Variants in CTNNA3 observed in about 807,000 individuals in gnomAD.
CTNNA3 encodes catenin alpha 3, also known as catenin alpha-3.
Under a neutral mutation model 95.7 loss-of-function variants are expected in CTNNA3, and 76 were observed. That is an observed-to-expected ratio of 0.79 (90% CI 0.66 to 0.96). The LOEUF (loss-of-function observed/expected upper bound fraction) is 0.96. Ranked by LOEUF, CTNNA3 falls within the 40% of genes least tolerant of loss-of-function variation. CTNNA3 has a pLI of 0.00. For synonymous variants in CTNNA3, 431 were observed against 374.4 expected (o/e 1.15, Z -1.74); for missense variants, 1,191 against 1,089.8 (o/e 1.09, Z -1.31).
rs183070158 is a variant in CTNNA3 at position 66,074,712 on chromosome 10, T to C, written c.1978-5223A>G. On this transcript the variant is annotated intron_variant, in intron 14 of 17. Transcript: ENST00000433211. ...TAGATGTTCATATTGTTCTCTCTTG[T>C]AGTCTAATCTTGTGAACACAACTAT... is the stretch of plus-strand genomic sequence containing the variant. Among the ~76,000 whole-genome samples, 332 of 152,018 alleles carry C rather than the reference T, an allele frequency of 2.2e-3. 1 individual carries two copies. Among genetic ancestry groups the C allele is most frequent in the African/African-American group, 7.0e-3 (292 of 41,530 alleles).
rs74877098 is a variant in CTNNA3, at chr10:67,415,187, A to C, written c.579+106655T>G. 0.025 allele frequency among the ~76,000 whole-genome samples: 3,794 copies of C among 152,270 alleles called. 310 individuals are homozygous for C. In the East Asian group the frequency reaches 0.3, roughly 12 times the overall value. Reference sequence around the variant, plus strand: ...CCAGGCAAGAGAAAGAAATAAAAGGAATTTGAAAAAGAAAAGAAGAAGTCA... The same window carrying C: ...CCAGGCAAGAGAAAGAAATAAAAGGCATTTGAAAAAGAAAAGAAGAAGTCA... On this transcript the variant is annotated intron_variant, in intron 5 of 17. Coordinates refer to ENST00000433211, the MANE Select transcript of CTNNA3 (RefSeq NM_013266.4).
intron 1 of CTNNA3, among the ~76,000 whole-genome samples, chr10:67,727,259 A>C (rs1841240378): frequency 7.7e-6 from 1 of 130,694 alleles, no homozygotes; most frequent in Non-Finnish European, 1.6e-5. Context: ...TATATAATAT[A>C]TGTAAACTGT....
chr10:66,172,053 T>G (rs1388229863), intron 13 of CTNNA3, among the ~76,000 whole-genome samples: 13 of 152,258 alleles, frequency 8.5e-5, no homozygotes, highest in Admixed American at 8.5e-4. Flanking sequence ...ACTGGCGTTG[T>G]TTGATCTCTT....
intron 3 of CTNNA3, among the ~76,000 whole-genome samples, chr10:67,595,193 C>T (rs1398225018): frequency 6.6e-6 from 1 of 152,008 alleles, no homozygotes; most frequent in Non-Finnish European, 1.5e-5. Flanking sequence ...GGTTGTTTTT[C>T]TCTTGCTTTT....
chr10:66,056,629 G>C (rs2080093224), intron 15 of CTNNA3, among the ~76,000 whole-genome samples: 1 of 152,100 alleles, frequency 6.6e-6, no homozygotes, highest in South Asian at 2.1e-4. Context: ...TAAATTGTTT[G>C]GTAGAACCCA....
intron 13 of CTNNA3, among the ~76,000 whole-genome samples, chr10:66,107,867 G>T (rs2081968425): frequency 6.6e-6 from 1 of 152,064 alleles, no homozygotes; most frequent in African/African-American, 2.4e-5. Flanking sequence ...AAATACTGTG[G>T]AAAACAAGAG....
At chr10:66,969,665 T>A in intron 7 of CTNNA3, among the ~76,000 whole-genome samples, 1 of 152,172 alleles carries the variant, frequency 6.6e-6, no homozygotes, top group East Asian at 1.9e-4. Context: ...ACTAGAAATT[T>A]TAAGATCTCT....
At chr10:66,652,522 C>A (rs980854388) in intron 9 of CTNNA3, among the ~76,000 whole-genome samples, 3 of 151,936 alleles carry the variant, frequency 2.0e-5, no homozygotes, top group Non-Finnish European at 2.9e-5. Context: ...AAAGAAAACC[C>A]AGGACCAGAT....
intron 10 of CTNNA3, among the ~76,000 whole-genome samples, chr10:66,601,658 G>C (rs1342436040): frequency 6.6e-6 from 1 of 151,722 alleles, no homozygotes; most frequent in Non-Finnish European, 1.5e-5. Flanking sequence ...TTCTCCTTGG[G>C]TAATCCAAAA....
intron 10 of CTNNA3, among the ~76,000 whole-genome samples, chr10:66,538,566 T>G (rs924575369): frequency 2.0e-5 from 3 of 152,152 alleles, no homozygotes; most frequent in Non-Finnish European, 2.9e-5. Context: ...TCAGCTTGAG[T>G]GCTTCCAGAG....
chr10:66,683,981 G>A (rs1021196286), intron 9 of CTNNA3, among the ~76,000 whole-genome samples: 8 of 152,146 alleles, frequency 5.3e-5, no homozygotes, highest in Non-Finnish European at 1.2e-4. Context: ...CAAAAAAGAT[G>A]GGATTTTGGT....
At chr10:66,838,434 A>G (rs186208225) in intron 7 of CTNNA3, among the ~76,000 whole-genome samples, 147 of 152,292 alleles carry the variant, frequency 9.7e-4, no homozygotes, top group African/African-American at 3.3e-3. Flanking sequence ...TAAGAAAACT[A>G]TTAGTGCTTT....
intron 7 of CTNNA3, among the ~76,000 whole-genome samples, chr10:67,091,542 C>A (rs1589725892): frequency 1.3e-5 from 2 of 151,952 alleles, no homozygotes; most frequent in South Asian, 4.1e-4. Context: ...CTACATATTG[C>A]TTACATTTAA....
chr10:67,740,000 G>A (rs1022001945), intron 1 of CTNNA3, among the ~76,000 whole-genome samples: 12 of 152,122 alleles, frequency 7.9e-5, no homozygotes, highest in South Asian at 6.2e-4. Flanking sequence ...CAGAAATAAC[G>A]CCGCATATCT....
rs1379679230 is a variant in CTNNA3 at position 67,025,146 on chromosome 10, AAG to A, written c.1047+155169_1047+155170del. ...AACTCTGTCAAAAACAAAAAAAAAA[AAG>A]AAAGAAAGGAAGGAAGGAAGGAAGG... is the stretch of plus-strand genomic sequence containing the variant. On this transcript the variant is annotated intron_variant, in intron 7 of 17. Coordinates refer to ENST00000433211, the MANE Select transcript of CTNNA3 (RefSeq NM_013266.4). 5.8e-3 allele frequency among the ~76,000 whole-genome samples: 871 copies of A among 150,668 alleles called. 13 individuals carry two copies. The highest frequency in any genetic ancestry group is 0.021 in the African/African-American group (838 of 40,650).
At chr10:66,472,347 C>T (rs985271887) in intron 11 of CTNNA3, among the ~76,000 whole-genome samples, 13 of 151,764 alleles carry the variant, frequency 8.6e-5, no homozygotes, top group African/African-American at 3.1e-4. Flanking sequence ...CTGGAACATT[C>T]TGTATTATCC....
chr10:67,518,726 A>C (rs1307586026), intron 5 of CTNNA3, among the ~76,000 whole-genome samples: 1 of 152,150 alleles, frequency 6.6e-6, no homozygotes, highest in East Asian at 1.9e-4. Flanking sequence ...TCACAAAACG[A>C]AAGCTCTAAG....
intron 3 of CTNNA3, among the ~76,000 whole-genome samples, chr10:67,552,268 GT>G (rs1157803061): frequency 6.6e-6 from 1 of 151,876 alleles, no homozygotes; most frequent in Non-Finnish European, 1.5e-5. Flanking sequence ...TTTCTTATAG[GT>G]TTTTTTTCGT....
chr10:66,086,525 G>T (rs2080991381), intron 14 of CTNNA3, among the ~76,000 whole-genome samples: 1 of 152,006 alleles, frequency 6.6e-6, no homozygotes, highest in African/African-American at 2.4e-5. Context: ...ACATATGTTT[G>T]CAAATTATTT....
Sources: gnomAD v4.1 joint callset for allele counts (sites outside exome capture counted in the v4.1 genomes callset) on GRCh38, gnomAD v4.1.1 for gene constraint, MANE v1.5 for transcripts, NCBI Gene and HGNC (gene_info 2026-07-23, HGNC 2026-07-21) for gene names.